The following PPP1R15B variants were observed in gnomAD, a reference collection of about 807,000 sequenced individuals.
The protein encoded by PPP1R15B is protein phosphatase 1 regulatory subunit 15B.
A neutral mutation model predicts 53.9 loss-of-function variants in PPP1R15B; 31 were observed. The ratio of observed to expected loss-of-function variants is 0.58; its 90% confidence interval spans 0.43 to 0.78. The LOEUF is 0.78. Ranked by LOEUF, PPP1R15B falls within the 30% of genes least tolerant of loss-of-function variation. The pLI is 0.00. For synonymous variants in PPP1R15B, 345 were observed against 329.1 expected (o/e 1.05, Z -0.52); for missense variants, 928 against 849.6 (o/e 1.09, Z -1.15).
chr1:204,396,271 G>C (rs1375026728), downstream of PPP1R15B, among the ~76,000 whole-genome samples: 1 of 150,296 alleles, frequency 6.7e-6, no homozygotes, highest in African/African-American at 2.5e-5. Context: ...ATGTTGGGAG[G>C]CCAAAACAGG....
Position 204,409,815 on chromosome 1 carries a change from G to T in PPP1R15B, c.1597C>A (p.Pro533Thr), listed in dbSNP as rs1674329721. 1 of 1,614,036 alleles carries T rather than the reference G, an allele frequency of 6.2e-7. No homozygotes were observed. Among genetic ancestry groups the T allele is most frequent in the Admixed American group, 1.7e-5 (1 of 60,002 alleles). The change falls in exon 1 of 2, where the codon CCT (proline) becomes ACT (threonine). Residue 533 changes from proline to threonine, a missense_variant. Transcript: ENST00000367188. ...TCTTCCTCCCCAGAACTATGCTCAG[G>T]GGTCTCAGGAAGGCTTCCAGACTGG... Reference protein sequence around the residue: ...SSQSGSLPETPEHSSGEEDDW... With the variant: ...SSQSGSLPETTEHSSGEEDDW...
chr1:204,405,951 C>CAAA lies in PPP1R15B; in HGVS notation c.*138_*140dup. On this transcript the variant is annotated 3_prime_UTR_variant, in exon 2 of 2. Transcript: ENST00000367188. ...GAATGTTTCTGAGTGGGATATGTTG[C>CAAA]AAAAAAAAAAATTAAACTAGATCCA... The CAAA allele has an allele frequency of 9.7e-7, 1 of 1,035,540 alleles. No individual in the cohort carries two copies. 64.1% of individuals were successfully genotyped at this position (1,035,540 alleles called of 1,614,324 possible).
downstream of PPP1R15B, among the ~76,000 whole-genome samples, chr1:204,400,106 G>A (rs2103439180): frequency 6.6e-6 from 1 of 152,058 alleles, no homozygotes; most frequent in Admixed American, 6.6e-5. Flanking sequence ...GCAAAGTGGT[G>A]CACACCTATG....
At chr1:204,409,329 A>C in intron 1 of PPP1R15B, among the ~76,000 whole-genome samples, 163 bp downstream of exon 1, 1 of 152,194 alleles carries the variant, frequency 6.6e-6, no homozygotes, top group East Asian at 1.9e-4. Flanking sequence ...GGTGAGGGAC[A>C]GGAGGAGAAG....
At chr1:204,400,340 A>C (rs1674154901), downstream of PPP1R15B, among the ~76,000 whole-genome samples, 1 of 150,856 alleles carries the variant, frequency 6.6e-6, no homozygotes, top group Admixed American at 6.6e-5. Context: ...AAGTTAATCC[A>C]TCTTTTTTAT....
At chr1:204,402,986 C>T (rs904186944), downstream of PPP1R15B, among the ~76,000 whole-genome samples, 1 of 152,010 alleles carries the variant, frequency 6.6e-6, no homozygotes, top group Non-Finnish European at 1.5e-5. Context: ...GCAGGAGAAT[C>T]GCTTGAAACC....
chr1:204,411,149 A>G lies in PPP1R15B; in HGVS notation c.263T>C (p.Phe88Ser), dbSNP rs761662172. ...CCATCTGGTCGGAAACATTCCACCG[A>G]AAAGTTGGCTCCAAATTAGCACCTT... ...LQKVLIWSQL[F>S]GGMFPTRWLD... The change falls in exon 1 of 2, where the codon TTC becomes TCC. Residue 88 changes from phenylalanine (F) to serine (S), a missense_variant. Coordinates refer to ENST00000367188, the MANE Select transcript of PPP1R15B (RefSeq NM_032833.5). 2 of 1,614,224 alleles carry G rather than the reference A, an allele frequency of 1.2e-6. No homozygotes were observed. Among genetic ancestry groups the G allele is most frequent in the South Asian group, 2.2e-5 (2 of 91,088 alleles).
Position 204,411,483 on chromosome 1 carries a change from A to G in PPP1R15B, c.-72T>C. ...GCTGGAGGTCGACGGGATTCGGAGGAAGCCTACAGAGTCTCGGCCTTGCCC... is the reference window on the plus strand; with the variant it reads ...GCTGGAGGTCGACGGGATTCGGAGGGAGCCTACAGAGTCTCGGCCTTGCCC... On this transcript the variant is annotated 5_prime_UTR_variant, in exon 1 of 2. Coordinates refer to ENST00000367188, the MANE Select transcript of PPP1R15B (RefSeq NM_032833.5). 6.5e-7 allele frequency: 1 copy of G among 1,545,408 alleles called. No homozygotes were observed. The highest frequency in any genetic ancestry group is 8.7e-7 in the Non-Finnish European group (1 of 1,152,704).
chr1:204,408,331 A>G (rs1432585020), intron 1 of PPP1R15B, among the ~76,000 whole-genome samples: 2 of 152,244 alleles, frequency 1.3e-5, no homozygotes, highest in Non-Finnish European at 2.9e-5. Context: ...GCCCCTTAAA[A>G]GGACAAAGAG....
Position 204,411,448 on chromosome 1 carries a change from G to A in PPP1R15B, c.-37C>T. 6.3e-7 allele frequency: 1 copy of A among 1,583,720 alleles called. No homozygotes were observed. The highest frequency in any genetic ancestry group is 8.6e-7 in the Non-Finnish European group (1 of 1,168,954). ...TGACAGTCTCTCAGGTAGGGCCGCG[G>A]CGCTCAGCGGCTGGAGGTCGACGGG... On this transcript the variant is annotated 5_prime_UTR_variant, in exon 1 of 2. Coordinates refer to ENST00000367188, the MANE Select transcript of PPP1R15B (RefSeq NM_032833.5).
chr1:204,406,384 T>A, intron 1 of PPP1R15B, 71 bp from the exon 2 acceptor site: 1 of 1,535,608 alleles, frequency 6.5e-7, no homozygotes, highest in Non-Finnish European at 8.8e-7. Flanking sequence ...AATAACCCTT[T>A]ATGCTACCAA....
At position 204,410,114 on chromosome 1, in the gene PPP1R15B, G is replaced by T; in HGVS notation, c.1298C>A (p.Ala433Glu). ...NKLIDYILGG[A>E]SSDLETSSDP... ...AGAACTTGTTTCCAGGTCACTGGATGCACCTCCCAAAATATAATCTATCAG... is the reference window on the plus strand; with the variant it reads ...AGAACTTGTTTCCAGGTCACTGGATTCACCTCCCAAAATATAATCTATCAG... Residue 433 changes from alanine to glutamate, a missense_variant, in exon 1 of 2, where the codon GCA becomes GAA. By Grantham distance (107) the Ala-to-Glu change is moderately radical. Coordinates refer to ENST00000367188, the MANE Select transcript of PPP1R15B (RefSeq NM_032833.5). The T allele has an allele frequency of 6.2e-7, 1 of 1,614,026 alleles. No homozygotes were observed.
chr1:204,400,615 C>T (rs1674165814), downstream of PPP1R15B: 1 of 349,004 alleles, frequency 2.9e-6, no homozygotes, highest in African/African-American at 2.2e-5. Flanking sequence ...CATGAGCCAC[C>T]ACCCCTGGCC....
intron 1 of PPP1R15B, 67 bp from the exon 2 acceptor site, chr1:204,406,380 C>T: frequency 1.3e-6 from 2 of 1,547,904 alleles, no homozygotes; most frequent in Non-Finnish European, 8.7e-7. Context: ...GGTCAATAAC[C>T]CTTTATGCTA....
chr1:204,403,951 C>T lies in PPP1R15B; in HGVS notation c.*2141G>A. ...TTAGAATCCCATGGGGAACAATTTT[C>T]CAAAATCCAATGAAAGATGTCTCAT... On this transcript the variant is annotated 3_prime_UTR_variant, in exon 2 of 2. Transcript: ENST00000367188. 1.0e-6 allele frequency: 1 copy of T among 985,390 alleles called. No individual in the cohort carries two copies. The highest frequency in any genetic ancestry group is 1.2e-6 in the Non-Finnish European group (1 of 829,910). 61.0% of individuals were successfully genotyped at this position (985,390 alleles called of 1,614,324 possible).
chr1:204,410,962 T>G lies in PPP1R15B; in HGVS notation c.450A>C (p.Gln150His), dbSNP rs1420447812. 1 of 1,614,100 alleles carries G rather than the reference T, an allele frequency of 6.2e-7. No individual in the cohort carries two copies. The highest frequency in any genetic ancestry group is 8.5e-7 in the Non-Finnish European group (1 of 1,180,006). Residue 150 changes from glutamine (Q) to histidine (H), a missense_variant, in exon 1 of 2, where the codon CAA (glutamine) becomes CAC (histidine). Transcript: ENST00000367188. Reference sequence around the variant, plus strand: ...CCAATTTTAGGTCTGGGGGCGAGTATTGCCAGTGGATCCCCTCCTCTAGCC... The same window carrying G: ...CCAATTTTAGGTCTGGGGGCGAGTAGTGCCAGTGGATCCCCTCCTCTAGCC... Reference protein sequence around the residue: ...LDWLEEGIHWQYSPPDLKLEL... With the variant: ...LDWLEEGIHWHYSPPDLKLEL...
Position 204,410,657 on chromosome 1 carries a change from G to A in PPP1R15B, c.755C>T (p.Thr252Ile), listed in dbSNP as rs765484538. ...CAGGCAGCTGCTCTCTGGGGTTAGTGTCTGGAAGCCGACTACCTCGCTATT... is the reference window on the plus strand; with the variant it reads ...CAGGCAGCTGCTCTCTGGGGTTAGTATCTGGAAGCCGACTACCTCGCTATT... Reference protein sequence around the residue: ...DGNSEVVGFQTLTPESSCLRE... With the variant: ...DGNSEVVGFQILTPESSCLRE... The change falls in exon 1 of 2, where the codon ACA becomes ATA. Residue 252 changes from threonine (T) to isoleucine (I), a missense_variant. Thr to Ile is a moderately conservative substitution (Grantham distance 89). Transcript: ENST00000367188. The A allele has an allele frequency of 4.3e-6, 7 of 1,613,908 alleles. No homozygotes were observed. Among genetic ancestry groups the A allele is most frequent in the Admixed American group, 1.7e-5 (1 of 59,996 alleles).
downstream of PPP1R15B, among the ~76,000 whole-genome samples, chr1:204,402,945 G>A (rs1271374621): frequency 1.3e-5 from 2 of 152,048 alleles, no homozygotes; most frequent in African/African-American, 4.8e-5. Context: ...GGTGGCAGGT[G>A]CCTGTGATCC....
rs754574112 is a variant in PPP1R15B at position 204,410,896 on chromosome 1, CTGTGCT to C, written c.510_515del (p.Gln172_Ala173del). On this transcript the variant is annotated inframe_deletion, in exon 1 of 2. Coordinates refer to ENST00000367188, the MANE Select transcript of PPP1R15B (RefSeq NM_032833.5). Reference sequence around the variant, plus strand: ...ACAGCTGCTGCTCTAAGAGAAAAGCCTGTGCTGCAGGGTCCAAAGCACTTCCCTTGG... The same window carrying C: ...ACAGCTGCTGCTCTAAGAGAAAAGCCGCAGGGTCCAAAGCACTTCCCTTGG... 2.0e-5 allele frequency: 32 copies of C among 1,614,118 alleles called. No homozygotes were observed. The South Asian group carries it at 3.4e-4, about 17-fold the overall frequency.
Sources: allele counts gnomAD v4.1 joint callset (sites outside exome capture counted in the v4.1 genomes callset), GRCh38; gene constraint gnomAD v4.1.1; transcripts MANE v1.5; gene names NCBI Gene and HGNC (gene_info 2026-07-23, HGNC 2026-07-21).